The following RTN3 variants were observed in gnomAD, a reference collection of about 807,000 sequenced individuals.
The protein encoded by RTN3 is reticulon-3.
RTN3 carries 49 observed loss-of-function variants against 77.8 expected under a neutral mutation model. The observed-to-expected ratio is 0.63, with a 90% CI of 0.50 to 0.80. The LOEUF is 0.80. RTN3 is among the 30% of genes least tolerant of loss of function. RTN3 has a pLI of 0.00. For missense variants in RTN3, 1,236 were observed against 1,211.9 expected, an observed-to-expected ratio of 1.02 and a Z score of -0.29; for synonymous variants, 464 against 446.9, an observed-to-expected ratio of 1.04 and a Z score of -0.48.
chr11:63,748,661 CTT>C (rs561644667), intron 3 of RTN3, among the ~76,000 whole-genome samples: 5 of 105,916 alleles, frequency 4.7e-5, no homozygotes, highest in African/African-American at 1.2e-4. Context: ...GCCCCACTCA[CTT>C]TTTTTTTTTT....
chr11:63,735,577 T>TCTCTCTCG (rs2013050731), intron 3 of RTN3, among the ~76,000 whole-genome samples: 1 of 148,298 alleles, frequency 6.7e-6, no homozygotes, highest in Non-Finnish European at 1.5e-5. Flanking sequence ...TCTCTCTCTC[T>TCTCTCTCG]CTCTCTCTCT....
chr11:63,703,229 G>A (rs1178518537), intron 1 of RTN3, among the ~76,000 whole-genome samples: 1 of 152,164 alleles, frequency 6.6e-6, no homozygotes, highest in Non-Finnish European at 1.5e-5. Flanking sequence ...ATGTGTGTAG[G>A]TTATATGCAA....
At chr11:63,733,525 A>G (rs2012848893) in intron 3 of RTN3, among the ~76,000 whole-genome samples, 1 of 151,702 alleles carries the variant, frequency 6.6e-6, no homozygotes. Context: ...ATAATTCACC[A>G]CATTAACAAT....
At chr11:63,752,711 G>A in intron 5 of RTN3, 66 bp downstream of exon 5, 1 of 1,521,856 alleles carries the variant, frequency 6.6e-7, no homozygotes, top group South Asian at 1.1e-5. Context: ...TAATTTGGAG[G>A]AAAAACAGTA....
At chr11:63,690,329 G>A (rs1414341620) in intron 1 of RTN3, among the ~76,000 whole-genome samples, 5 of 152,150 alleles carry the variant, frequency 3.3e-5, no homozygotes, top group Non-Finnish European at 7.3e-5. Flanking sequence ...TTACATTTGT[G>A]TACTGCTTTA....
intron 1 of RTN3, among the ~76,000 whole-genome samples, chr11:63,686,247 G>A (rs1380966438): frequency 2.0e-5 from 3 of 152,054 alleles, no homozygotes; most frequent in African/African-American, 7.2e-5. Flanking sequence ...GAGGCAGGCG[G>A]ATCACGAGGT....
chr11:63,683,584 T>C (rs960918448), intron 1 of RTN3, among the ~76,000 whole-genome samples: 1 of 152,228 alleles, frequency 6.6e-6, no homozygotes, highest in South Asian at 2.1e-4. Flanking sequence ...AATGCACTTA[T>C]GGAAGAACTG....
At chr11:63,733,519 T>C (rs2012848292) in intron 3 of RTN3, among the ~76,000 whole-genome samples, 3 of 151,610 alleles carry the variant, frequency 2.0e-5, no homozygotes, top group African/African-American at 7.3e-5. Context: ...ATCAATATAA[T>C]TCACCACATT....
Position 63,712,743 on chromosome 11 carries a change from C to G in RTN3, c.200-5959C>G, listed in dbSNP as rs2011195172. Among the ~76,000 whole-genome samples, 3 of 152,084 alleles carry G rather than the reference C, an allele frequency of 2.0e-5. No homozygotes were observed. In the South Asian group the frequency reaches 6.2e-4, roughly 32 times the overall value. On this transcript the variant is annotated intron_variant, in intron 2 of 8. Coordinates refer to ENST00000377819, the MANE Select transcript of RTN3 (RefSeq NM_001265589.2). ...CTCGTGATCAGGACCAGCTCGGCCCCCAAAGTGCTGGGATTACAGGCGTGA... is the reference window on the plus strand; with the variant it reads ...CTCGTGATCAGGACCAGCTCGGCCCGCAAAGTGCTGGGATTACAGGCGTGA...
chr11:63,704,856 T>TTTG lies in RTN3; in HGVS notation c.151_153dup (p.Val51dup). The TTTG allele has an allele frequency of 6.2e-7, 1 of 1,609,950 alleles. No individual in the cohort carries two copies. Among genetic ancestry groups the TTTG allele is most frequent in the East Asian group, 2.2e-5 (1 of 44,834 alleles). On this transcript the variant is annotated inframe_insertion, in exon 2 of 9. Coordinates refer to ENST00000377819, the MANE Select transcript of RTN3 (RefSeq NM_001265589.2). ...TGCTGTATATTTTCTTTCAGATTCC[T>TTTG]TTGTTTCTTCCTCTTCCTCTCAGCC...
At chr11:63,694,175 T>C (rs1273869444) in intron 1 of RTN3, among the ~76,000 whole-genome samples, 1 of 151,642 alleles carries the variant, frequency 6.6e-6, no homozygotes, top group African/African-American at 2.4e-5. Context: ...ATTAATTAAT[T>C]ATGGTTTTTT....
At chr11:63,753,955 T>A (rs1220640031) in intron 7 of RTN3, among the ~76,000 whole-genome samples, 1 of 152,236 alleles carries the variant, frequency 6.6e-6, no homozygotes, top group East Asian at 1.9e-4. Flanking sequence ...TTCGAGTTTT[T>A]AATCATGTAG....
At chr11:63,728,513 C>T (rs1006920217) in intron 3 of RTN3, among the ~76,000 whole-genome samples, 1 of 152,112 alleles carries the variant, frequency 6.6e-6, no homozygotes, top group African/African-American at 2.4e-5. Context: ...GCATTCTAGG[C>T]CTGCTGAGTT....
intron 3 of RTN3, among the ~76,000 whole-genome samples, chr11:63,739,680 G>A (rs1002753110): frequency 6.6e-6 from 1 of 152,136 alleles, no homozygotes; most frequent in East Asian, 1.9e-4. Context: ...CCCATCCCAC[G>A]TCCTTTATCC....
At position 63,719,629 on chromosome 11, in the gene RTN3, T is replaced by C. The variant is rs2011612595; in HGVS notation, c.1127T>C (p.Val376Ala). The C allele has an allele frequency of 6.2e-7, 1 of 1,613,728 alleles. No homozygotes were observed. The change falls in exon 3 of 9, where the codon GTT (valine) becomes GCT (alanine). Residue 376 changes from valine (V) to alanine (A), a missense_variant. Coordinates refer to ENST00000377819, the MANE Select transcript of RTN3 (RefSeq NM_001265589.2). ...AGTGAATATAATTCAGAAATTCCAG[T>C]TGTAAATCTTAAAACTAGCACTCAT... is the stretch of plus-strand genomic sequence containing the variant. Reference protein sequence around the residue: ...DMSEYNSEIPVVNLKTSTHQK... With the variant: ...DMSEYNSEIPAVNLKTSTHQK...
intron 2 of RTN3, chr11:63,714,230 A>G (rs1471664542): frequency 2.8e-6 from 1 of 355,694 alleles, no homozygotes; most frequent in Non-Finnish European, 5.5e-6. Context: ...CAAAATAATT[A>G]AAGTTAAAGC....
intron 3 of RTN3, among the ~76,000 whole-genome samples, chr11:63,736,268 A>G (rs2013113205): frequency 6.6e-6 from 1 of 152,180 alleles, no homozygotes; most frequent in Non-Finnish European, 1.5e-5. Flanking sequence ...CCCTCTCACA[A>G]CATGGTAGCT....
intron 3 of RTN3, among the ~76,000 whole-genome samples, chr11:63,728,646 T>C (rs905152837): frequency 7.9e-5 from 12 of 152,152 alleles, no homozygotes; most frequent in Admixed American, 1.3e-4. Context: ...TCCCCACACG[T>C]TGGAAGGCCG....
chr11:63,702,724 T>C (rs1300247105), intron 1 of RTN3, among the ~76,000 whole-genome samples: 15 of 147,168 alleles, frequency 1.0e-4, no homozygotes, highest in Middle Eastern at 7.8e-3. Context: ...CTTGCTCTGT[T>C]GCCCAGGCTG....
Sources: allele counts gnomAD v4.1 joint callset (sites outside exome capture counted in the v4.1 genomes callset), GRCh38; gene constraint gnomAD v4.1.1; transcripts MANE v1.5; gene names NCBI Gene and HGNC (gene_info 2026-07-23, HGNC 2026-07-21).